AKR1E2: variants seen among roughly 807,000 people sequenced by gnomAD.
AKR1E2 encodes the protein aldo-keto reductase family 1 member E2.
In AKR1E2, 43 loss-of-function variants were observed where a neutral mutation model predicts 41.9. The ratio of observed to expected loss-of-function variants is 1.03; its 90% CI spans 0.80 to 1.32. The LOEUF (loss-of-function observed/expected upper bound fraction) is 1.32. AKR1E2 is among the 40% of genes most tolerant of loss of function. The pLI is 0.00. For missense variants in AKR1E2, 423 were observed against 396.5 expected, an observed-to-expected ratio of 1.07 and a Z score of -0.57; for synonymous variants, 121 against 138.9, an observed-to-expected ratio of 0.87 and a Z score of 0.91.
chr10:4,847,765 A>G lies in AKR1E2; in HGVS notation c.*235A>G, dbSNP rs1434153320. ...TGTGTGGCCTCTACTCTGAACAAAT[A>G]CACTGATGAGTCATCAGTGAAATTT... On this transcript the variant is annotated 3_prime_UTR_variant, in exon 10 of 10. Transcript: ENST00000298375. 1.9e-6 allele frequency: 1 copy of G among 533,706 alleles called. No homozygotes were observed. The highest frequency in any genetic ancestry group is 3.3e-6 in the Non-Finnish European group (1 of 302,686). 33.1% of individuals were successfully genotyped at this position (533,706 alleles called of 1,614,324 possible). A position where few individuals can be genotyped will look rare whatever the true frequency, so the allele number is the denominator to read the frequency against.
chr10:4,843,749 G>A lies in AKR1E2; in HGVS notation c.837+1245G>A, dbSNP rs570972174. Reference sequence around the variant, plus strand: ...GCCACCCACGATGGGAGGACCAGGGGATGGGCAGGTTCCTCATGGTGTCTA... The same window carrying A: ...GCCACCCACGATGGGAGGACCAGGGAATGGGCAGGTTCCTCATGGTGTCTA... On this transcript the variant is annotated intron_variant, in intron 8 of 9. Transcript: ENST00000298375. Among the ~76,000 whole-genome samples the A allele has an allele frequency of 4.5e-4, 69 of 152,354 alleles. 1 individual carries two copies. In the South Asian group the frequency reaches 0.013, roughly 30 times the overall value.
chr10:4,864,109 T>A, the AKR1E2 span, among the ~76,000 whole-genome samples: 4 of 152,172 alleles, frequency 2.6e-5, no homozygotes, highest in Non-Finnish European at 4.4e-5. Flanking sequence ...TAACTCATTT[T>A]ATGAGGCCAG....
chr10:4,837,687 A>G, intron 5 of AKR1E2, 106 bp downstream of exon 5: 1 of 1,496,140 alleles, frequency 6.7e-7, no homozygotes, highest in Admixed American at 2.0e-5. Context: ...AGCACAAAAC[A>G]GGCCTGTTCT....
chr10:4,871,443 A>G, the AKR1E2 span, among the ~76,000 whole-genome samples: 1 of 152,160 alleles, frequency 6.6e-6, no homozygotes, highest in Non-Finnish European at 1.5e-5. Context: ...AATATCTAAT[A>G]TATTTGTATA....
At chr10:4,850,240 C>T (rs183512753), downstream of AKR1E2, among the ~76,000 whole-genome samples, 160 of 152,280 alleles carry the variant, frequency 1.1e-3, no homozygotes, top group African/African-American at 3.6e-3. Context: ...CCTTAAGGGA[C>T]CCTCTGCGTC....
downstream of AKR1E2, among the ~76,000 whole-genome samples, chr10:4,849,371 A>T (rs1037553400): frequency 1.1e-4 from 16 of 152,182 alleles, no homozygotes; most frequent in African/African-American, 3.6e-4. Flanking sequence ...ACTCTTTGTC[A>T]CTGTCTACCT....
the AKR1E2 span, among the ~76,000 whole-genome samples, chr10:4,865,182 A>G: frequency 6.6e-6 from 1 of 152,222 alleles, no homozygotes; most frequent in Admixed American, 6.5e-5. Context: ...ACCATACTGC[A>G]AGAAAAACAC....
the AKR1E2 span, among the ~76,000 whole-genome samples, chr10:4,872,657 A>C: frequency 6.6e-6 from 1 of 152,180 alleles, no homozygotes; most frequent in African/African-American, 2.4e-5. Flanking sequence ...TATTTATTCA[A>C]CCAATATGTA....
intron 1 of AKR1E2, among the ~76,000 whole-genome samples, chr10:4,829,732 A>T (rs927511043): frequency 1.3e-5 from 2 of 152,022 alleles, no homozygotes; most frequent in African/African-American, 4.8e-5. Context: ...ATTTTCTTTT[A>T]AGTCCATTTT....
At chr10:4,860,779 C>CTTTA in the AKR1E2 span, among the ~76,000 whole-genome samples, 2 of 152,192 alleles carry the variant, frequency 1.3e-5, no homozygotes, top group Admixed American at 6.5e-5. Context: ...TATGAATATG[C>CTTTA]TTTATTGGCT....
chr10:4,830,696 G>T lies in AKR1E2; in HGVS notation c.61G>T (p.Glu21Ter). 1 of 1,614,012 alleles carries T rather than the reference G, an allele frequency of 6.2e-7. No individual in the cohort carries two copies. Among genetic ancestry groups the T allele is most frequent in the South Asian group, 1.1e-5 (1 of 91,072 alleles). The change falls in exon 2 of 10, where the codon GAG (glutamate) becomes TAG (stop). Residue 21 changes from glutamate (E) to a stop codon, truncating the protein, a stop_gained. Coordinates refer to ENST00000298375, the MANE Select transcript of AKR1E2 (RefSeq NM_001040177.3). LOFTEE classifies it high-confidence loss of function. ...SWKASPGKVT[E>*]AVKEAIDAGY... ...GCAGGCTTCTCCAGGGAAAGTGACCGAGGCAGTGAAAGAGGCCATTGACGC... is the reference window on the plus strand; with the variant it reads ...GCAGGCTTCTCCAGGGAAAGTGACCTAGGCAGTGAAAGAGGCCATTGACGC...
the AKR1E2 span, among the ~76,000 whole-genome samples, chr10:4,872,483 G>T: frequency 2.0e-5 from 3 of 151,972 alleles, no homozygotes; most frequent in Non-Finnish European, 4.4e-5. Flanking sequence ...TTTAGCAAGG[G>T]GGATACAAAT....
the AKR1E2 span, among the ~76,000 whole-genome samples, chr10:4,864,753 CAG>C: frequency 6.6e-6 from 1 of 152,184 alleles, no homozygotes; most frequent in South Asian, 2.1e-4. Flanking sequence ...TAAGCAACTT[CAG>C]CAAAGTCTCA....
At chr10:4,830,649 G>A in intron 1 of AKR1E2, 26 bp from the exon 2 acceptor site, 1 of 1,611,774 alleles carries the variant, frequency 6.2e-7, no homozygotes, top group Non-Finnish European at 8.5e-7. Flanking sequence ...ACTGTGAGAA[G>A]ACACTTTGTT....
At chr10:4,834,157 C>T (rs1833203843) in intron 3 of AKR1E2, among the ~76,000 whole-genome samples, 1 of 152,240 alleles carries the variant, frequency 6.6e-6, no homozygotes, top group Non-Finnish European at 1.5e-5. Context: ...CAGTTGACAC[C>T]TGTGAAATAC....
Position 4,830,675 on chromosome 10 carries a change from G to A in AKR1E2, c.40G>A (p.Ala14Thr), listed in dbSNP as rs755078223. 1.9e-6 allele frequency: 3 copies of A among 1,613,818 alleles called. No homozygotes were observed. The Admixed American group carries it at 5.0e-5, about 27-fold the overall frequency. Reference protein sequence around the residue: ...IPAVGLSSWKASPGKVTEAVK... With the variant: ...IPAVGLSSWKTSPGKVTEAVK... ...ACACTTTGTTTTGTTGGTTTTGCAG[G>A]CTTCTCCAGGGAAAGTGACCGAGGC... is the stretch of plus-strand genomic sequence containing the variant. Residue 14 changes from alanine (A) to threonine (T), a missense_variant and splice_region_variant, in exon 2 of 10, where the codon GCT (alanine) becomes ACT (threonine). Transcript: ENST00000298375.
downstream of AKR1E2, among the ~76,000 whole-genome samples, chr10:4,852,631 A>C (rs947887597): frequency 2.0e-5 from 3 of 152,304 alleles, no homozygotes; most frequent in East Asian, 5.8e-4. Flanking sequence ...GTGTCTAATG[A>C]ATTTACGCTG....
chr10:4,835,948 C>A, intron 4 of AKR1E2, 139 bp downstream of exon 4: 1 of 1,236,838 alleles, frequency 8.1e-7, no homozygotes, highest in African/African-American at 1.5e-5. Context: ...AAAAAGGAAT[C>A]AATACCCGAA....
chr10:4,825,622 G>T (rs193037363), upstream of AKR1E2, among the ~76,000 whole-genome samples: 2 of 152,234 alleles, frequency 1.3e-5, no homozygotes, highest in South Asian at 4.1e-4. Flanking sequence ...CATTTTCCAA[G>T]GGCACAGTGG....
Sources: gnomAD v4.1 joint callset for allele counts (sites outside exome capture counted in the v4.1 genomes callset) on GRCh38, gnomAD v4.1.1 for gene constraint, MANE v1.5 for transcripts, NCBI Gene and HGNC (gene_info 2026-07-23, HGNC 2026-07-21) for gene names.